Variants in RBFOX1 observed in about 807,000 individuals in gnomAD.
RBFOX1 encodes RNA binding protein fox-1 homolog 1.
In RBFOX1, 8 loss-of-function variants were observed where a neutral mutation model predicts 57.7. That is an observed-to-expected ratio of 0.14 (90% CI 0.08 to 0.25). The LOEUF is 0.25. Among genes scored for constraint, RBFOX1 ranks in the 10% least tolerant of loss-of-function variants. The pLI is 1.00. For synonymous variants in RBFOX1, 326 were observed against 222.4 expected, an observed-to-expected ratio of 1.47 and a Z score of -4.15; for missense variants, 611 against 548.5, an observed-to-expected ratio of 1.11 and a Z score of -1.14.
intron 2 of RBFOX1, among the ~76,000 whole-genome samples, chr16:6,464,445 A>G (rs1249959981): frequency 6.6e-6 from 1 of 152,218 alleles, no homozygotes; most frequent in Non-Finnish European, 1.5e-5. Flanking sequence ...AAAGTCTTGG[A>G]TGACAGCAAC....
intron 2 of RBFOX1, among the ~76,000 whole-genome samples, chr16:6,562,166 G>C (rs941386972): frequency 6.6e-6 from 1 of 152,324 alleles, no homozygotes; most frequent in South Asian, 2.1e-4. Flanking sequence ...TAACATTGTA[G>C]TCAAGAGTTT....
At chr16:6,677,701 C>A (rs920326050) in intron 3 of RBFOX1, among the ~76,000 whole-genome samples, 1 of 152,124 alleles carries the variant, frequency 6.6e-6, no homozygotes, top group African/African-American at 2.4e-5. Flanking sequence ...GACATGTGAG[C>A]CATGAAATCC....
intron 3 of RBFOX1, among the ~76,000 whole-genome samples, chr16:6,744,806 A>T (rs1603501161): frequency 6.6e-6 from 1 of 152,112 alleles, no homozygotes; most frequent in South Asian, 2.1e-4. Flanking sequence ...AAGGTGAACT[A>T]AATTAAGTAG....
At chr16:6,676,754 C>T (rs1013896490) in intron 3 of RBFOX1, among the ~76,000 whole-genome samples, 1 of 145,552 alleles carries the variant, frequency 6.9e-6, no homozygotes, top group South Asian at 2.2e-4. Flanking sequence ...AGGGTCACTG[C>T]AACCTTTGCC....
intron 3 of RBFOX1, among the ~76,000 whole-genome samples, chr16:6,778,872 T>C (rs1168588100): frequency 6.6e-6 from 1 of 151,972 alleles, no homozygotes; most frequent in East Asian, 1.9e-4. Context: ...TAGTTTTTTT[T>C]TTATTTTTAA....
chr16:6,087,902 C>G (rs897989176), intron 1 of RBFOX1, among the ~76,000 whole-genome samples: 1 of 152,158 alleles, frequency 6.6e-6, no homozygotes, highest in Non-Finnish European at 1.5e-5. Flanking sequence ...CCACCTGCCT[C>G]GGCCTCCCAA....
chr16:5,869,594 G>A (rs1333858947), intron 4 of RBFOX1, among the ~76,000 whole-genome samples: 2 of 152,016 alleles, frequency 1.3e-5, no homozygotes, highest in Admixed American at 6.6e-5. Context: ...TAGAGATGGG[G>A]TTTCACCATG....
chr16:5,460,334 C>G (rs367807621), intron 1 of RBFOX1, among the ~76,000 whole-genome samples: 1 of 152,150 alleles, frequency 6.6e-6, no homozygotes. Context: ...ATCATAAGGA[C>G]TAAACGTTTT....
chr16:7,050,876 C>G (rs917772036), intron 3 of RBFOX1, among the ~76,000 whole-genome samples: 1 of 151,792 alleles, frequency 6.6e-6, no homozygotes, highest in Non-Finnish European at 1.5e-5. Flanking sequence ...AAGAGCTAAT[C>G]TTAGTGGTAA....
intron 4 of RBFOX1, among the ~76,000 whole-genome samples, chr16:7,227,237 A>G (rs1030258456): frequency 1.7e-4 from 25 of 150,634 alleles, no homozygotes; most frequent in African/African-American, 6.0e-4. Context: ...CATGTGCTCT[A>G]TCTGTATATC....
chr16:6,335,603 C>T (rs1466671854), intron 2 of RBFOX1, among the ~76,000 whole-genome samples: 1 of 151,560 alleles, frequency 6.6e-6, no homozygotes, highest in Admixed American at 6.6e-5. Context: ...CATGGTGAAA[C>T]CTCGTCTCTA....
At chr16:7,674,754 C>T (rs1015421955) in intron 13 of RBFOX1, among the ~76,000 whole-genome samples, 6 of 152,174 alleles carry the variant, frequency 3.9e-5, no homozygotes, top group African/African-American at 1.4e-4. Flanking sequence ...TTTGATGTTT[C>T]TACTATACAT....
Position 7,143,285 on chromosome 16 carries a change from C to T in RBFOX1, c.27+91187C>T, listed in dbSNP as rs537958132. On this transcript the variant is annotated intron_variant, in intron 4 of 15. Transcript: ENST00000550418. Reference sequence around the variant, plus strand: ...AGAGAGAGGAGAAATGACAATGCGTCCAACTGTTTTCCAGCCCTCCTCCAC... The same window carrying T: ...AGAGAGAGGAGAAATGACAATGCGTTCAACTGTTTTCCAGCCCTCCTCCAC... Among the ~76,000 whole-genome samples, 7 of 152,072 alleles carry T rather than the reference C, an allele frequency of 4.6e-5. No homozygotes were observed. In the East Asian group the frequency reaches 9.7e-4, roughly 21 times the overall value.
At chr16:6,579,786 A>G (rs1423703221) in intron 2 of RBFOX1, among the ~76,000 whole-genome samples, 1 of 151,978 alleles carries the variant, frequency 6.6e-6, no homozygotes, top group African/African-American at 2.4e-5. Flanking sequence ...CGGTCTCACT[A>G]TGTTGCCCAG....
chr16:7,273,181 C>A (rs112517652), intron 4 of RBFOX1, among the ~76,000 whole-genome samples: 2,978 of 122,290 alleles, frequency 0.024, 316 homozygotes, highest in African/African-American at 0.066. Context: ...TCCCTCCCTT[C>A]CTTCCTCCCT....
intron 2 of RBFOX1, among the ~76,000 whole-genome samples, chr16:6,434,910 C>A (rs765051086): frequency 6.6e-6 from 1 of 152,172 alleles, no homozygotes; most frequent in African/African-American, 2.4e-5. Context: ...TGATAAATGA[C>A]AAACATGAGG....
At chr16:6,236,162 G>A (rs1454129492) in intron 1 of RBFOX1, among the ~76,000 whole-genome samples, 1 of 152,094 alleles carries the variant, frequency 6.6e-6, no homozygotes, top group Non-Finnish European at 1.5e-5. Flanking sequence ...TAATAAAGAA[G>A]AGCAACATCT....
intron 4 of RBFOX1, among the ~76,000 whole-genome samples, chr16:5,926,352 C>A (rs375147456): frequency 1.3e-4 from 20 of 152,242 alleles, no homozygotes; most frequent in African/African-American, 4.8e-4. Context: ...AACAGGGATA[C>A]TGGCTGTTCT....
intron 3 of RBFOX1, among the ~76,000 whole-genome samples, chr16:6,686,198 C>G (rs1450603240): frequency 6.6e-6 from 1 of 152,176 alleles, no homozygotes; most frequent in Non-Finnish European, 1.5e-5. Flanking sequence ...AGACAGGTTT[C>G]CACGGTTCAG....
Sources: allele counts gnomAD v4.1 joint callset (sites outside exome capture counted in the v4.1 genomes callset), GRCh38; gene constraint gnomAD v4.1.1; transcripts MANE v1.5; gene names NCBI Gene and HGNC (gene_info 2026-07-23, HGNC 2026-07-21).